MCF2L: variants seen among roughly 807,000 people sequenced by gnomAD.
MCF2L encodes the protein guanine nucleotide exchange factor DBS.
In MCF2L, 97 loss-of-function variants were observed where a neutral mutation model predicts 153.4. The observed-to-expected ratio is 0.63, with a 90% CI of 0.54 to 0.75. The LOEUF is 0.75. Among genes scored for constraint, MCF2L ranks in the 30% least tolerant of loss-of-function variants. The pLI is 0.00. For synonymous variants in MCF2L, 659 were observed against 632.2 expected (o/e 1.04, Z -0.64); for missense variants, 1,347 against 1,495.2 (o/e 0.90, Z 1.64).
intron 2 of MCF2L, among the ~76,000 whole-genome samples, chr13:113,015,481 G>A (rs933032428): frequency 3.3e-5 from 5 of 152,114 alleles, no homozygotes; most frequent in African/African-American, 9.7e-5. Context: ...CGAGGAGGGT[G>A]CCCCGATGCT....
chr13:113,033,318 C>CCATGA (rs2085890209), intron 3 of MCF2L, among the ~76,000 whole-genome samples: 3 of 119,142 alleles, frequency 2.5e-5, no homozygotes, highest in African/African-American at 6.9e-5. Flanking sequence ...TGAGTGGCCC[C>CCATGA]TGTGGCGTGA....
In MCF2L at chr13:113,064,290, C is replaced by A. The variant is rs113591580; in HGVS notation, c.490-14C>A. The A allele has an allele frequency of 3.2e-6, 5 of 1,583,496 alleles. No individual in the cohort carries two copies. Among genetic ancestry groups the A allele is most frequent in the Non-Finnish European group, 4.3e-6 (5 of 1,153,244 alleles). On this transcript the variant is annotated splice_polypyrimidine_tract_variant and intron_variant, in intron 5 of 29. Coordinates refer to ENST00000535094, the MANE Select transcript of MCF2L (RefSeq NM_001112732.3). This position sits in a 1 kb window ranked among gnomAD's most constrained non-coding sequence, Gnocchi z 6.0. ...TAATCCCAAACACTACCACGCATTC[C>A]CTTTCTCCTCCAGGTCATAATGCTG...
intron 11 of MCF2L, 24 bp downstream of exon 11, chr13:113,075,213 C>G: frequency 6.4e-7 from 1 of 1,561,514 alleles, no homozygotes; most frequent in Non-Finnish European, 8.7e-7. Flanking sequence ...GACCCCACCC[C>G]ACTCCCCCCC....
At chr13:112,898,986 C>G (rs2081094809) in intron 1 of MCF2L, among the ~76,000 whole-genome samples, 1 of 152,236 alleles carries the variant, frequency 6.6e-6, no homozygotes, top group African/African-American at 2.4e-5. Flanking sequence ...CCCCCTCCCC[C>G]CATGCCGGGT....
intron 3 of MCF2L, among the ~76,000 whole-genome samples, chr13:113,025,252 C>A (rs1466231155): frequency 1.2e-5 from 1 of 83,776 alleles, no homozygotes. Flanking sequence ...TGAGATTTCC[C>A]CGTCATGGGG....
chr13:113,090,935 C>T, intron 26 of MCF2L: 1 of 1,197,002 alleles, frequency 8.4e-7, no homozygotes, highest in South Asian at 1.5e-5. Flanking sequence ...CTCCCGGCCC[C>T]TCCTTCACTG....
intron 1 of MCF2L, among the ~76,000 whole-genome samples, chr13:113,014,422 T>C (rs1014030080): frequency 6.6e-6 from 1 of 152,154 alleles, no homozygotes; most frequent in Non-Finnish European, 1.5e-5. Context: ...AAAGTGTATT[T>C]ATCCGAGGAG....
At chr13:113,059,965 G>A (rs1171665146) in intron 4 of MCF2L, among the ~76,000 whole-genome samples, 1 of 152,256 alleles carries the variant, frequency 6.6e-6, no homozygotes, top group African/African-American at 2.4e-5. Context: ...ACTACAGACT[G>A]ACCACTGGGC....
intron 2 of MCF2L, among the ~76,000 whole-genome samples, chr13:112,959,734 A>T (rs190275961): frequency 6.6e-6 from 1 of 152,302 alleles, no homozygotes; most frequent in East Asian, 1.9e-4. Flanking sequence ...CCAAAAGTGA[A>T]TTATTGGTAG....
rs1272556097 is a variant in MCF2L, at chr13:112,960,224, G to A, written c.170-54539G>A. Among the ~76,000 whole-genome samples, 2 of 152,190 alleles carry A rather than the reference G, an allele frequency of 1.3e-5. No individual in the cohort carries two copies. Among genetic ancestry groups the A allele is most frequent in the African/African-American group, 4.8e-5 (2 of 41,450 alleles). Reference sequence around the variant, plus strand: ...AGATTGAGGGGCTGCATCTGGTGAGGGCCCCTGAGCTGCGTCTTTCCAAGA... The same window carrying A: ...AGATTGAGGGGCTGCATCTGGTGAGAGCCCCTGAGCTGCGTCTTTCCAAGA... On this transcript the variant is annotated intron_variant, in intron 2 of 29. Transcript: ENST00000375608. This position sits in a 1 kb window ranked among gnomAD's most constrained non-coding sequence, Gnocchi z 4.2.
At position 112,943,991 on chromosome 13, in the gene MCF2L, G is replaced by GCCT. The variant is rs959810167; in HGVS notation, c.169+41620_169+41621insCCT. On this transcript the variant is annotated intron_variant, in intron 2 of 29. Transcript: ENST00000375608. The surrounding 1 kb of genome is among the most constrained non-coding windows in gnomAD (Gnocchi z 4.2). ...CCGGGCCGTGAGGGGAGGGTCCCGG[G>GCCT]TGAGGGGAGGGTCCCGGGCCTTGAG... Among the ~76,000 whole-genome samples, 3 of 148,942 alleles carry GCCT rather than the reference G, an allele frequency of 2.0e-5. No homozygotes were observed. Among genetic ancestry groups the GCCT allele is most frequent in the Non-Finnish European group, 4.5e-5 (3 of 66,818 alleles).
chr13:112,989,913 T>G (rs968319333), intron 1 of MCF2L, among the ~76,000 whole-genome samples: 1 of 152,246 alleles, frequency 6.6e-6, no homozygotes, highest in African/African-American at 2.4e-5. Flanking sequence ...ACGGTTCACC[T>G]CAGATCATCA....
intron 2 of MCF2L, among the ~76,000 whole-genome samples, chr13:112,919,485 G>A (rs927201448): frequency 1.6e-4 from 25 of 152,200 alleles, no homozygotes; most frequent in African/African-American, 2.2e-4. Flanking sequence ...GATTACAGGC[G>A]TGAGCCACCG....
intron 1 of MCF2L, among the ~76,000 whole-genome samples, chr13:112,973,558 G>A (rs2082121048): frequency 2.0e-5 from 3 of 152,276 alleles, no homozygotes; most frequent in Admixed American, 2.0e-4. Context: ...CTGACGCCAC[G>A]GCTCAGTGCT....
At position 113,090,735 on chromosome 13, in the gene MCF2L, G is replaced by A. The variant is rs553901484; in HGVS notation, c.2953+1007G>A. Reference sequence around the variant, plus strand: ...AGCCCTGAAGGCCAGCGTGGACAAGGGCTCTTTCCAGAGAAGTAGGAGTGT... The same window carrying A: ...AGCCCTGAAGGCCAGCGTGGACAAGAGCTCTTTCCAGAGAAGTAGGAGTGT... On this transcript the variant is annotated intron_variant, in intron 26 of 29. Transcript: ENST00000535094. The A allele has an allele frequency of 8.1e-6, 8 of 985,470 alleles. No homozygotes were observed. In the South Asian group the frequency reaches 2.3e-4, roughly 29 times the overall value. The allele number at this position is 985,470 out of a possible 1,614,324, so 61.0% of individuals were successfully genotyped here. A position where few individuals can be genotyped will look rare whatever the true frequency, so the allele number is the denominator to read the frequency against.
intron 26 of MCF2L, chr13:113,090,275 T>C: frequency 6.1e-6 from 8 of 1,321,142 alleles, no homozygotes; most frequent in Non-Finnish European, 7.9e-6. Flanking sequence ...AGCGTTTCTT[T>C]CCACCCAATC....
Position 113,074,452 on chromosome 13 carries a change from C to G in MCF2L, c.1005C>G (p.Ala335=). The change falls in exon 10 of 30, where the codon GCC becomes GCG. Residue 335 remains alanine, a synonymous_variant. Transcript: ENST00000535094. This position sits in a 1 kb window ranked among gnomAD's most constrained non-coding sequence, Gnocchi z 4.2. ...GCCCTCCTCTGTTCCAGGTCAAAGC[C>G]ATCTTGGACGCAGCGTCCCAGAAGA... The part of the protein sequence containing the change: ...HFEQGFREVK[A]ILDAASQKIA... 6.2e-7 allele frequency: 1 copy of G among 1,613,510 alleles called. No homozygotes were observed. The highest frequency in any genetic ancestry group is 8.5e-7 in the Non-Finnish European group (1 of 1,179,538).
chr13:112,899,107 G>A (rs536185538), intron 1 of MCF2L, among the ~76,000 whole-genome samples: 9 of 152,388 alleles, frequency 5.9e-5, no homozygotes, highest in East Asian at 3.9e-4. Context: ...CGGCACCTGC[G>A]TCATAAACGA....
chr13:113,040,699 A>C (rs1204011526), intron 3 of MCF2L: 1 of 152,244 alleles, frequency 6.6e-6, no homozygotes, highest in Non-Finnish European at 1.5e-5. Flanking sequence ...CCTCGCCCCC[A>C]CCATGTCCAC....
Sources: allele counts gnomAD v4.1 joint callset (sites outside exome capture counted in the v4.1 genomes callset), GRCh38; gene constraint gnomAD v4.1.1; non-coding constraint Gnocchi (gnomAD v3.1); transcripts MANE v1.5; gene names NCBI Gene and HGNC (gene_info 2026-07-23, HGNC 2026-07-21).